Variants in VAV3 observed in about 807,000 individuals in gnomAD.
VAV3 encodes the protein vav guanine nucleotide exchange factor 3, also known as guanine nucleotide exchange factor VAV3.
A neutral mutation model predicts 131.2 loss-of-function variants in VAV3; 94 were observed. The ratio of observed to expected loss-of-function variants is 0.72; its 90% CI spans 0.61 to 0.85. The LOEUF is 0.85. Among genes scored for constraint, VAV3 ranks in the 40% least tolerant of loss-of-function variants. The pLI is 0.00. For synonymous variants in VAV3, 349 were observed against 342.0 expected, an observed-to-expected ratio of 1.02 and a Z score of -0.22; for missense variants, 939 against 1,002.7, an observed-to-expected ratio of 0.94 and a Z score of 0.86.
At chr1:107,810,948 CA>C (rs1253784040) in intron 2 of VAV3, among the ~76,000 whole-genome samples, 2 of 151,726 alleles carry the variant, frequency 1.3e-5, no homozygotes. Context: ...CATTAAAGGT[CA>C]AAAAGTGGTA....
Position 107,837,179 on chromosome 1 carries a change from C to G in VAV3, c.321+37722G>C, listed in dbSNP as rs183354668. Among the ~76,000 whole-genome samples the G allele has an allele frequency of 3.9e-4, 59 of 152,150 alleles. No homozygotes were observed. The East Asian group carries it at 6.8e-3, about 17-fold the overall frequency. ...AGATGCAGAAATCCTTAACAAAATA[C>G]TAGCAAACCAACTCTAGAAGCACAT... is the stretch of plus-strand genomic sequence containing the variant. On this transcript the variant is annotated intron_variant, in intron 2 of 26. Transcript: ENST00000370056.
chr1:107,798,504 G>C (rs879820393), intron 2 of VAV3, among the ~76,000 whole-genome samples: 3 of 151,878 alleles, frequency 2.0e-5, no homozygotes, highest in Non-Finnish European at 4.4e-5. Flanking sequence ...GGATCATGAG[G>C]TCAGGAGATC....
chr1:107,573,803 C>T (rs1261253239), intron 26 of VAV3, among the ~76,000 whole-genome samples: 1 of 152,176 alleles, frequency 6.6e-6, no homozygotes, highest in Non-Finnish European at 1.5e-5. Context: ...GACTCTTTTC[C>T]AAGCAGCAAG....
At chr1:107,574,431 A>C (rs1448203440) in intron 25 of VAV3, among the ~76,000 whole-genome samples, 1 of 152,242 alleles carries the variant, frequency 6.6e-6, no homozygotes, top group Admixed American at 6.5e-5. Flanking sequence ...TCCATTCTTC[A>C]TAAGAACCTC....
At chr1:107,957,248 G>C (rs1674857909) in intron 1 of VAV3, among the ~76,000 whole-genome samples, 1 of 152,116 alleles carries the variant, frequency 6.6e-6, no homozygotes, top group Non-Finnish European at 1.5e-5. Context: ...CAAAGTCCCA[G>C]CCATCCCAAC....
At chr1:107,917,819 A>T (rs1672694267) in intron 1 of VAV3, among the ~76,000 whole-genome samples, 1 of 152,112 alleles carries the variant, frequency 6.6e-6, no homozygotes, top group African/African-American at 2.4e-5. Context: ...TCCCTAATCC[A>T]AAAATCTGAA....
chr1:107,917,946 A>G (rs149561832), intron 1 of VAV3, among the ~76,000 whole-genome samples: 141 of 152,306 alleles, frequency 9.3e-4, no homozygotes, highest in African/African-American at 3.2e-3. Flanking sequence ...AAGGACTGAG[A>G]TGCACAGACC....
intron 17 of VAV3, among the ~76,000 whole-genome samples, chr1:107,695,500 A>G (rs1226372059): frequency 6.6e-6 from 1 of 152,152 alleles, no homozygotes; most frequent in Non-Finnish European, 1.5e-5. Context: ...GAGTGTTTGG[A>G]TGGTGGGCCT....
intron 2 of VAV3, among the ~76,000 whole-genome samples, chr1:107,806,349 T>C (rs1367835957): frequency 6.6e-6 from 1 of 152,040 alleles, no homozygotes; most frequent in Non-Finnish European, 1.5e-5. Context: ...TAGTCTACCA[T>C]CTGCTTGGAG....
chr1:107,693,265 C>T (rs1659543310), intron 17 of VAV3, among the ~76,000 whole-genome samples: 2 of 152,118 alleles, frequency 1.3e-5, no homozygotes, highest in African/African-American at 2.4e-5. Flanking sequence ...GAACTGCCTG[C>T]CCTTTATATC....
chr1:107,884,921 G>A (rs1273974118), intron 1 of VAV3, among the ~76,000 whole-genome samples: 1 of 152,140 alleles, frequency 6.6e-6, no homozygotes, highest in Non-Finnish European at 1.5e-5. Flanking sequence ...CAGGATTTTG[G>A]TATCAATGGA....
intron 15 of VAV3, among the ~76,000 whole-genome samples, chr1:107,710,620 G>C (rs578137784): frequency 6.6e-6 from 1 of 151,914 alleles, no homozygotes; most frequent in African/African-American, 2.4e-5. Context: ...CTCTCTTCTT[G>C]CATCCTTCTA....
intron 2 of VAV3, among the ~76,000 whole-genome samples, chr1:107,864,775 C>T (rs1218197561): frequency 2.6e-5 from 4 of 152,226 alleles, no homozygotes; most frequent in Non-Finnish European, 5.9e-5. Context: ...CTCAGTGGCA[C>T]TTATCACTGG....
chr1:107,935,383 A>G (rs1673656607), intron 1 of VAV3, among the ~76,000 whole-genome samples: 1 of 152,246 alleles, frequency 6.6e-6, no homozygotes, highest in African/African-American at 2.4e-5. Flanking sequence ...AAGTAAATAT[A>G]TAATTCTCCA....
intron 17 of VAV3, among the ~76,000 whole-genome samples, chr1:107,701,586 C>T (rs1357257470): frequency 6.6e-6 from 1 of 152,224 alleles, no homozygotes; most frequent in East Asian, 1.9e-4. Flanking sequence ...CAAACTTCTG[C>T]AGCAAGCTTG....
intron 2 of VAV3, among the ~76,000 whole-genome samples, chr1:107,798,078 A>G (rs1666635767): frequency 1.3e-5 from 2 of 152,238 alleles, no homozygotes; most frequent in South Asian, 4.1e-4. Context: ...AATCTAGATA[A>G]TATCTTGACT....
At chr1:107,840,241 T>G (rs969842028) in intron 2 of VAV3, among the ~76,000 whole-genome samples, 5 of 152,176 alleles carry the variant, frequency 3.3e-5, no homozygotes, top group African/African-American at 1.2e-4. Context: ...GTGTTAGCAG[T>G]GTAAATCACT....
intron 2 of VAV3, among the ~76,000 whole-genome samples, chr1:107,866,368 A>C (rs1669985513): frequency 6.6e-6 from 1 of 152,126 alleles, no homozygotes; most frequent in African/African-American, 2.4e-5. Flanking sequence ...TGATAAACCC[A>C]TGAGTAAAAT....
intron 19 of VAV3, among the ~76,000 whole-genome samples, chr1:107,682,148 G>A (rs1177119706): frequency 6.6e-6 from 1 of 152,010 alleles, no homozygotes; most frequent in Non-Finnish European, 1.5e-5. Flanking sequence ...TTTCTAATCT[G>A]GGAATTTACT....
Sources: gnomAD v4.1 joint callset for allele counts (sites outside exome capture counted in the v4.1 genomes callset) on GRCh38, gnomAD v4.1.1 for gene constraint, MANE v1.5 for transcripts, NCBI Gene and HGNC (gene_info 2026-07-23, HGNC 2026-07-21) for gene names.